The following SIGLEC7 variants were observed in gnomAD, a reference collection of about 807,000 sequenced individuals.
SIGLEC7 encodes sialic acid-binding Ig-like lectin 7.
In SIGLEC7, 33 loss-of-function variants were observed where a neutral mutation model predicts 40.8. The ratio of observed to expected loss-of-function variants is 0.81; its 90% CI spans 0.61 to 1.08. The LOEUF (loss-of-function observed/expected upper bound fraction) is 1.08. Among genes scored for constraint, SIGLEC7 ranks in the 50% least tolerant of loss-of-function variants. SIGLEC7 has a pLI of 0.00. For synonymous variants in SIGLEC7, 242 were observed against 237.6 expected (o/e 1.02, Z -0.17); for missense variants, 513 against 576.1 (o/e 0.89, Z 1.12).
intron 6 of SIGLEC7, among the ~76,000 whole-genome samples, chr19:51,152,357 C>T (rs753214814): frequency 6.6e-6 from 1 of 152,160 alleles, no homozygotes; most frequent in Non-Finnish European, 1.5e-5. Flanking sequence ...CTGTAAAGTC[C>T]CTTTAGCAAT....
Position 51,142,718 on chromosome 19 carries a change from G to A in SIGLEC7, c.349G>A (p.Asp117Asn), listed in dbSNP as rs1568619198. 3.7e-6 allele frequency: 6 copies of A among 1,614,144 alleles called. No individual in the cohort carries two copies. Among genetic ancestry groups the A allele is most frequent in the Non-Finnish European group, 5.1e-6 (6 of 1,180,010 alleles). Residue 117 changes from aspartate (D) to asparagine (N), a missense_variant, in exon 1 of 7, where the codon GAT becomes AAT. By Grantham distance (23) the Asp-to-Asn change is conservative. Coordinates refer to ENST00000317643, the MANE Select transcript of SIGLEC7 (RefSeq NM_014385.4). The surrounding 1 kb of genome is among the most constrained non-coding windows in gnomAD (Gnocchi z 5.0). ...GAGCATCAGAGATGCCAGAATGAGTGATGCGGGGAGATACTTCTTTCGTAT... is the reference window on the plus strand; with the variant it reads ...GAGCATCAGAGATGCCAGAATGAGTAATGCGGGGAGATACTTCTTTCGTAT... ...TLSIRDARMS[D>N]AGRYFFRMEK...
intron 1 of SIGLEC7, among the ~76,000 whole-genome samples, chr19:51,143,035 C>T (rs948370626): frequency 1.3e-5 from 2 of 152,114 alleles, no homozygotes; most frequent in Non-Finnish European, 2.9e-5. Context: ...CTGCCTCTGA[C>T]GCTGGCATTG....
At position 51,145,751 on chromosome 19, in the gene SIGLEC7, A is replaced by C. The variant is rs1294886976; in HGVS notation, c.761-104A>C. On this transcript the variant is annotated intron_variant, in intron 3 of 6. Transcript: ENST00000317643. This position sits in a 1 kb window ranked among gnomAD's most constrained non-coding sequence, Gnocchi z 4.3. Reference sequence around the variant, plus strand: ...GCGGTGAACATAAGTATGTCCCTGCACCAGCCTACATCACTCTCTGTTCCA... The same window carrying C: ...GCGGTGAACATAAGTATGTCCCTGCCCCAGCCTACATCACTCTCTGTTCCA... 1.5e-6 allele frequency: 2 copies of C among 1,345,628 alleles called. No homozygotes were observed. Among genetic ancestry groups the C allele is most frequent in the Non-Finnish European group, 2.1e-6 (2 of 967,458 alleles). 83.4% of individuals were successfully genotyped at this position (1,345,628 alleles called of 1,614,324 possible).
At chr19:51,147,417 C>G (rs959933014) in intron 6 of SIGLEC7, 100 bp downstream of exon 6, 14 of 915,498 alleles carry the variant, frequency 1.5e-5, no homozygotes, top group Non-Finnish European at 2.3e-5. Flanking sequence ...AAATTATCTC[C>G]TCATCTCCTC....
Position 51,145,835 on chromosome 19 carries a change from C to A in SIGLEC7, c.761-20C>A, listed in dbSNP as rs746841472. On this transcript the variant is annotated intron_variant, in intron 3 of 6. Coordinates refer to ENST00000317643, the MANE Select transcript of SIGLEC7 (RefSeq NM_014385.4). This position sits in a 1 kb window ranked among gnomAD's most constrained non-coding sequence, Gnocchi z 4.3. ...TTTCAATCACTTTGTCTCTTTGAACCTCCAACTTTTTCTCTACAGCATCCA... is the reference window on the plus strand; with the variant it reads ...TTTCAATCACTTTGTCTCTTTGAACATCCAACTTTTTCTCTACAGCATCCA... 1.2e-6 allele frequency: 2 copies of A among 1,613,500 alleles called. No individual in the cohort carries two copies.
At position 51,142,847 on chromosome 19, in the gene SIGLEC7, G is replaced by A; in HGVS notation, c.433+45G>A. 6.5e-7 allele frequency: 1 copy of A among 1,535,214 alleles called. No homozygotes were observed. Among genetic ancestry groups the A allele is most frequent in the Non-Finnish European group, 8.8e-7 (1 of 1,134,906 alleles). ...AGAGGCCAAAGGCAAATGTGATGAG[G>A]GCTTTAGGGCACGGCTGAGACGGGA... On this transcript the variant is annotated intron_variant, in intron 1 of 6. Coordinates refer to ENST00000317643, the MANE Select transcript of SIGLEC7 (RefSeq NM_014385.4). This position sits in a 1 kb window ranked among gnomAD's most constrained non-coding sequence, Gnocchi z 5.0.
At chr19:51,147,959 AT>A (rs1426748548) in intron 6 of SIGLEC7, among the ~76,000 whole-genome samples, 2 of 152,206 alleles carry the variant, frequency 1.3e-5, no homozygotes, top group Non-Finnish European at 2.9e-5. Flanking sequence ...GTAAAACTTT[AT>A]TTATAAAAAC....
intron 2 of SIGLEC7, 48 bp downstream of exon 2, chr19:51,144,732 C>A: frequency 6.3e-7 from 1 of 1,597,584 alleles, no homozygotes; most frequent in Non-Finnish European, 8.5e-7. Flanking sequence ...GGGGGGACGT[C>A]CCTGAGGGCA....
intron 5 of SIGLEC7, 46 bp downstream of exon 5, chr19:51,146,896 G>A (rs772984597): frequency 2.0e-5 from 32 of 1,561,458 alleles, no homozygotes; most frequent in Middle Eastern, 1.7e-4. Context: ...GGGGGAGGGC[G>A]GACTGGGAGC....
chr19:51,147,422 C>T (rs1464541319), intron 6 of SIGLEC7, 105 bp downstream of exon 6: 2 of 856,248 alleles, frequency 2.3e-6, no homozygotes. Flanking sequence ...ATCTCCTCAT[C>T]TCCTCCTCCT....
rs181509203 is a variant in SIGLEC7 at position 51,144,306 on chromosome 19, G to C, written c.434-100G>C. On this transcript the variant is annotated intron_variant, in intron 1 of 6. Coordinates refer to ENST00000317643, the MANE Select transcript of SIGLEC7 (RefSeq NM_014385.4). ...CCTGGGAGAGGGCTGAGGGTGAAGC[G>C]AGTTGGGCTCAGGGCAGAAGCTGAA... 1.1e-5 allele frequency: 16 copies of C among 1,512,496 alleles called. No homozygotes were observed. In the East Asian group the frequency reaches 3.6e-4, roughly 34 times the overall value. The allele number at this position is 1,512,496 out of a possible 1,614,324, so 93.7% of individuals were successfully genotyped here. A position where few individuals can be genotyped will look rare whatever the true frequency, so the allele number is the denominator to read the frequency against.
chr19:51,142,462 G>C lies in SIGLEC7; in HGVS notation c.93G>C (p.Gln31His), dbSNP rs374101393. Reference protein sequence around the residue: ...SNRKDYSLTMQSSVTVQEGMC... With the variant: ...SNRKDYSLTMHSSVTVQEGMC... ...GGAAGGATTACTCGCTGACGATGCA[G>C]AGTTCCGTGACCGTGCAAGAGGGCA... The change falls in exon 1 of 7, where the codon CAG (glutamine) becomes CAC (histidine). Residue 31 changes from glutamine to histidine, a missense_variant. Transcript: ENST00000317643. The surrounding 1 kb of genome is among the most constrained non-coding windows in gnomAD (Gnocchi z 5.0). The C allele has an allele frequency of 1.2e-5, 19 of 1,614,080 alleles. No homozygotes were observed. The highest frequency in any genetic ancestry group is 1.6e-4 in the Middle Eastern group (1 of 6,084).
intron 5 of SIGLEC7, 168 bp downstream of exon 5, chr19:51,147,018 C>G (rs1212787408): frequency 1.0e-6 from 1 of 994,364 alleles, no homozygotes; most frequent in Non-Finnish European, 1.5e-6. Flanking sequence ...CTGTGGGGCT[C>G]CACATCTGTG....
chr19:51,144,335 G>A (rs1211510707), intron 1 of SIGLEC7, 71 bp from the exon 2 acceptor site: 4 of 1,523,424 alleles, frequency 2.6e-6, no homozygotes, highest in Middle Eastern at 1.8e-4. Flanking sequence ...AGCTGAACCA[G>A]AGCCTGAGCT....
At chr19:51,146,230 G>A in intron 4 of SIGLEC7, 109 bp downstream of exon 4, 2 of 1,434,424 alleles carry the variant, frequency 1.4e-6, no homozygotes, top group South Asian at 1.3e-5. Context: ...GTGCTCAGCT[G>A]TGAGGCCTGG....
rs919111526 is a variant in SIGLEC7 at position 51,145,182 on chromosome 19, C to A, written c.760+223C>A. ...CACACACCCTCCTCAGCCCTGCAGC[C>A]AGGACAGGGGGAAATACATATAGCA... is the stretch of plus-strand genomic sequence containing the variant. On this transcript the variant is annotated intron_variant, in intron 3 of 6. Coordinates refer to ENST00000317643, the MANE Select transcript of SIGLEC7 (RefSeq NM_014385.4). This position sits in a 1 kb window ranked among gnomAD's most constrained non-coding sequence, Gnocchi z 4.3. Among the ~76,000 whole-genome samples, 21 of 152,222 alleles carry A rather than the reference C, an allele frequency of 1.4e-4. No homozygotes were observed. The highest frequency in any genetic ancestry group is 5.1e-4 in the African/African-American group (21 of 41,446).
chr19:51,143,036 G>A (rs539195290), intron 1 of SIGLEC7, among the ~76,000 whole-genome samples: 27 of 152,184 alleles, frequency 1.8e-4, no homozygotes, highest in Admixed American at 5.2e-4. Context: ...TGCCTCTGAC[G>A]CTGGCATTGT....
In SIGLEC7 at chr19:51,142,362, C is replaced by T. The variant is rs760017907; in HGVS notation, c.-8C>T. On this transcript the variant is annotated 5_prime_UTR_variant, in exon 1 of 7. Transcript: ENST00000317643. This position sits in a 1 kb window ranked among gnomAD's most constrained non-coding sequence, Gnocchi z 5.0. ...TCCCTCGCGGCCCTGGCACCTCCAA[C>T]CCCAGATATGCTGCTGCTGCTGCTG... is the stretch of plus-strand genomic sequence containing the variant. 5 of 1,611,824 alleles carry T rather than the reference C, an allele frequency of 3.1e-6. No individual in the cohort carries two copies. Among genetic ancestry groups the T allele is most frequent in the Middle Eastern group, 1.7e-4 (1 of 6,054 alleles).
Position 51,145,063 on chromosome 19 carries a change from C to T in SIGLEC7, c.760+104C>T. 1 of 1,164,362 alleles carries T rather than the reference C, an allele frequency of 8.6e-7. No homozygotes were observed. The highest frequency in any genetic ancestry group is 1.3e-6 in the Non-Finnish European group (1 of 778,602). The allele number at this position is 1,164,362 out of a possible 1,614,324, so 72.1% of individuals were successfully genotyped here. ...GACTCACCCTGGTGATATGAGACTCCCTTGTAGTTGAACCCAGGCCTCCTC... is the reference window on the plus strand; with the variant it reads ...GACTCACCCTGGTGATATGAGACTCTCTTGTAGTTGAACCCAGGCCTCCTC... On this transcript the variant is annotated intron_variant, in intron 3 of 6. Transcript: ENST00000317643. The surrounding 1 kb of genome is among the most constrained non-coding windows in gnomAD (Gnocchi z 4.3).
Sources: allele counts gnomAD v4.1 joint callset (sites outside exome capture counted in the v4.1 genomes callset), GRCh38; gene constraint gnomAD v4.1.1; non-coding constraint Gnocchi (gnomAD v3.1); transcripts MANE v1.5; gene names NCBI Gene and HGNC (gene_info 2026-07-23, HGNC 2026-07-21).